Variants in KMT2D observed in about 807,000 individuals in gnomAD.
The protein encoded by KMT2D is histone-lysine N-methyltransferase 2D.
A neutral mutation model predicts 512.7 loss-of-function variants in KMT2D; 55 were observed. That is an observed-to-expected ratio of 0.11 (90% CI 0.09 to 0.13). KMT2D has a LOEUF of 0.13. KMT2D is among the 10% of genes least tolerant of loss of function. The pLI, the probability that KMT2D is intolerant of heterozygous loss-of-function variation, is 1.00. For missense variants in KMT2D, 6,061 were observed against 7,127.9 expected, an observed-to-expected ratio of 0.85 and a Z score of 5.39; for synonymous variants, 2,995 against 2,904.0, an observed-to-expected ratio of 1.03 and a Z score of -1.01.
In KMT2D at chr12:49,027,456, T is replaced by C. The variant is rs1942659114; in HGVS notation, c.14644-134A>G. 9 of 780,942 alleles carry C rather than the reference T, an allele frequency of 1.2e-5. No individual in the cohort carries two copies. The South Asian group carries it at 1.6e-4, about 14-fold the overall frequency. 48.4% of individuals were successfully genotyped at this position (780,942 alleles called of 1,614,324 possible). A position where few individuals can be genotyped will look rare whatever the true frequency, so the allele number is the denominator to read the frequency against. On this transcript the variant is annotated intron_variant, in intron 48 of 54. Transcript: ENST00000301067. ...TAGACAGCCTCTTTTTTCTTTTCTT[T>C]TCTTTTTTTTTTGAGACACAGTCTT...
In KMT2D at chr12:49,054,807, GCATGCC is replaced by G; in HGVS notation, c.177-62_177-57del. ...AGGCCCCCAGCAACCCCATGATCTG[GCATGCC>G]CATGCTTCCCCAACACTCATTTTCC... is the stretch of plus-strand genomic sequence containing the variant. On this transcript the variant is annotated intron_variant, in intron 3 of 54. Transcript: ENST00000301067. This position sits in a 1 kb window ranked among gnomAD's most constrained non-coding sequence, Gnocchi z 6.4. 6.2e-7 allele frequency: 1 copy of G among 1,604,994 alleles called. No homozygotes were observed. The highest frequency in any genetic ancestry group is 8.5e-7 in the Non-Finnish European group (1 of 1,172,674).
rs2120587212 is a variant in KMT2D, at chr12:49,044,754, G to A, written c.4953C>T (p.Leu1651=). The A allele has an allele frequency of 6.2e-7, 1 of 1,613,258 alleles. No homozygotes were observed. The highest frequency in any genetic ancestry group is 8.5e-7 in the Non-Finnish European group (1 of 1,179,382). The change falls in exon 20 of 55, where the codon CTC becomes CTT. Residue 1651 remains leucine, a synonymous_variant. Coordinates refer to ENST00000301067, the MANE Select transcript of KMT2D (RefSeq NM_003482.4). This position sits in a 1 kb window ranked among gnomAD's most constrained non-coding sequence, Gnocchi z 6.4. ...ATTCCCCAAGCTAACCTTCACCCTT[G>A]AGCAGCTCATCGGTGTCCAGGTCCC... ...KDGDLDTDEL[L]KGEGGVEHME... is the part of the protein sequence containing the mutation.
chr12:49,049,878 G>A lies in KMT2D; in HGVS notation c.3710C>T (p.Ser1237Phe), dbSNP rs374437749. ...AGAGACCCCCAACTCCATGGACAGG[G>A]AGCCACCCCCCTCCGGGTCTGGAGA... ...LGSPDPEGGG[S>F]LSMELGVSTD... The change falls in exon 12 of 55, where the codon TCC becomes TTC. Residue 1237 changes from serine to phenylalanine, a missense_variant. Physicochemically the swap from Ser to Phe is radical, Grantham distance 155. Coordinates refer to ENST00000301067, the MANE Select transcript of KMT2D (RefSeq NM_003482.4). The A allele has an allele frequency of 1.8e-5, 29 of 1,613,774 alleles. No individual in the cohort carries two copies. The highest frequency in any genetic ancestry group is 2.7e-5 in the African/African-American group (2 of 74,936).
rs1408651749 is a variant in KMT2D at position 49,022,528 on chromosome 12, T to G, written c.16338+62A>C. ...CCTCCTGCTCTCCTGTGACCAATCC[T>G]GCCCTTGCTCCTTGGTTGAGTGCAG... On this transcript the variant is annotated intron_variant, in intron 52 of 54. Coordinates refer to ENST00000301067, the MANE Select transcript of KMT2D (RefSeq NM_003482.4). The surrounding 1 kb of genome is among the most constrained non-coding windows in gnomAD (Gnocchi z 8.6). 1.9e-6 allele frequency: 3 copies of G among 1,574,030 alleles called. No homozygotes were observed. In the South Asian group the frequency reaches 3.5e-5, roughly 18 times the overall value.
In KMT2D at chr12:49,040,116, G is replaced by T. The variant is rs1228953847; in HGVS notation, c.7654C>A (p.Pro2552Thr). 9 of 1,613,792 alleles carry T rather than the reference G, an allele frequency of 5.6e-6. No homozygotes were observed. In the South Asian group the frequency reaches 9.9e-5, roughly 18 times the overall value. Residue 2552 changes from proline (P) to threonine (T), a missense_variant, in exon 32 of 55, where the codon CCT becomes ACT. By Grantham distance (38) the Pro-to-Thr change is conservative (BLOSUM62 -1). This residue lies in a region of KMT2D where 710 missense variants were observed against 647.3 expected (regional missense o/e 1.10). Coordinates refer to ENST00000301067, the MANE Select transcript of KMT2D (RefSeq NM_003482.4). ...VGEPSLKPPV[P>T]QPGLPPPHGI... is the part of the protein sequence containing the mutation. ...TGGGGTGGCGGGAGACCAGGCTGAG[G>T]GACAGGGGGCTTTAGGGAAGGCTCC...
chr12:49,028,207 C>CGGG lies in KMT2D; in HGVS notation c.14383-67_14383-66insCCC, dbSNP rs1194361596. 1.2e-4 allele frequency: 188 copies of CGGG among 1,602,938 alleles called. No homozygotes were observed. In the African/African-American group the frequency reaches 2.4e-3, roughly 20 times the overall value. ...AAGTGTCTGAGGTGAGCTCTACTAC[C>CGGG]AGCTGGGTGGGGACAAGGACACCTA... On this transcript the variant is annotated intron_variant, in intron 46 of 54. Transcript: ENST00000301067.
At position 49,054,606 on chromosome 12, in the gene KMT2D, C is replaced by T. The variant is rs1233258179; in HGVS notation, c.322G>A (p.Ala108Thr). 6.2e-7 allele frequency: 1 copy of T among 1,613,186 alleles called. No homozygotes were observed. The highest frequency in any genetic ancestry group is 8.5e-7 in the Non-Finnish European group (1 of 1,179,584). ...SPGGSPGPNE[A>T]VLPSEDLSQI... is the part of the protein sequence containing the mutation. ...GATAGGTCCTCACTGGGCAGCACTG[C>T]CTCATTGGGCCCTGGGCTCCCCCCA... The change falls in exon 4 of 55, where the codon GCA becomes ACA. Residue 108 changes from alanine (A) to threonine (T), a missense_variant. Ala to Thr is a moderately conservative substitution (Grantham distance 58). Coordinates refer to ENST00000301067, the MANE Select transcript of KMT2D (RefSeq NM_003482.4). This position sits in a 1 kb window ranked among gnomAD's most constrained non-coding sequence, Gnocchi z 6.4.
rs954226380 is a variant in KMT2D at position 49,054,970 on chromosome 12, G to A, written c.106C>T (p.Pro36Ser). 6.2e-6 allele frequency: 10 copies of A among 1,613,996 alleles called. No individual in the cohort carries two copies. Among genetic ancestry groups the A allele is most frequent in the Non-Finnish European group, 7.6e-6 (9 of 1,179,882 alleles). ...PSATESDLPNPHVGEVSVLSS... is the reference protein window; with the variant it reads ...PSATESDLPNSHVGEVSVLSS... The stretch of plus-strand genomic sequence containing the variant: ...AGGACAGAGACCTCTCCCACATGTG[G>A]GTTGGGCAGGTCTGACTCAGTGGCA... The change falls in exon 3 of 55, where the codon CCA becomes TCA. Residue 36 changes from proline to serine, a missense_variant. By Grantham distance (74) the Pro-to-Ser change is moderately conservative. Transcript: ENST00000301067. This position sits in a 1 kb window ranked among gnomAD's most constrained non-coding sequence, Gnocchi z 6.4.
At chr12:49,030,854 C>T (rs2120409595) in intron 41 of KMT2D, 39 bp downstream of exon 41, 1 of 1,613,072 alleles carries the variant, frequency 6.2e-7, no homozygotes, top group Non-Finnish European at 8.5e-7. Flanking sequence ...GCCCCCTATC[C>T]TGGGATGGGA....
Position 49,033,730 on chromosome 12 carries a change from G to A in KMT2D, c.10975C>T (p.Pro3659Ser), listed in dbSNP as rs367910969. Residue 3659 changes from proline to serine, a missense_variant, in exon 40 of 55, where the codon CCT becomes TCT. Physicochemically the swap from Pro to Ser is moderately conservative, Grantham distance 74 (BLOSUM62 -1). Coordinates refer to ENST00000301067, the MANE Select transcript of KMT2D (RefSeq NM_003482.4). ...TGTCCAGGTAGTGCCATACCCCCAG[G>A]GGTCAGGCGAAGACCTCCGGCTTGC... ...GGQAGGLRLT[P>S]GGMALPGQPG... is the part of the protein sequence containing the mutation. 1 of 1,613,446 alleles carries A rather than the reference G, an allele frequency of 6.2e-7. No homozygotes were observed. The highest frequency in any genetic ancestry group is 1.3e-5 in the African/African-American group (1 of 74,914).
chr12:49,032,963 CTGCTGAAGTTGCTGT>C lies in KMT2D; in HGVS notation c.11727_11741del (p.Leu3912_Gln3916del), dbSNP rs1565777297. The C allele has an allele frequency of 1.3e-6, 2 of 1,550,828 alleles. No homozygotes were observed. Among genetic ancestry groups the C allele is most frequent in the Non-Finnish European group, 1.7e-6 (2 of 1,146,876 alleles). On this transcript the variant is annotated inframe_deletion, in exon 40 of 55. Coordinates refer to ENST00000301067, the MANE Select transcript of KMT2D (RefSeq NM_003482.4). ...GCTGTTGTAGCTGCTGCTGCTGCTGCTGCTGAAGTTGCTGTTGCTGTTGCAGCTGCTGCTGCTGCT... is the reference window on the plus strand; with the variant it reads ...GCTGTTGTAGCTGCTGCTGCTGCTGCTGCTGTTGCAGCTGCTGCTGCTGCT...
Position 49,030,270 on chromosome 12 carries a change from C to G in KMT2D, c.13999+10G>C. 1.3e-6 allele frequency: 2 copies of G among 1,593,758 alleles called. No individual in the cohort carries two copies. The highest frequency in any genetic ancestry group is 1.7e-6 in the Non-Finnish European group (2 of 1,169,028). On this transcript the variant is annotated intron_variant, in intron 43 of 54. Coordinates refer to ENST00000301067, the MANE Select transcript of KMT2D (RefSeq NM_003482.4). ...AACTCCACCAGGGGTGGCATCTGCT[C>G]TTGACTTACCCCTCAGTGCCCTTTC...
intron 6 of KMT2D, 139 bp from the exon 7 acceptor site, chr12:49,053,780 GCTA>G: frequency 8.7e-7 from 1 of 1,154,960 alleles, no homozygotes; most frequent in Non-Finnish European, 1.2e-6. Flanking sequence ...ACGTCTGCCA[GCTA>G]CTGTTCTAGG....
chr12:49,031,404 T>A lies in KMT2D; in HGVS notation c.13301A>T (p.Glu4434Val). 6.2e-7 allele frequency: 1 copy of A among 1,613,652 alleles called. No homozygotes were observed. The highest frequency in any genetic ancestry group is 8.5e-7 in the Non-Finnish European group (1 of 1,179,872). The change falls in exon 40 of 55, where the codon GAG becomes GTG. Residue 4434 changes from glutamate to valine, a missense_variant. Physicochemically the swap from Glu to Val is moderately radical, Grantham distance 121. This residue lies in a region of KMT2D where 1,600 missense variants were observed against 1,754.9 expected (regional missense o/e 0.91). Coordinates refer to ENST00000301067, the MANE Select transcript of KMT2D (RefSeq NM_003482.4). The part of the protein sequence containing the change: ...CALGAQSVKR[E>V]ANGEPIGAPG... Reference sequence around the variant, plus strand: ...TGCCCCTATTGGCTCCCCATTGGCCTCCCTCTTCACTGACTGGGCTCCCAG... The same window carrying A: ...TGCCCCTATTGGCTCCCCATTGGCCACCCTCTTCACTGACTGGGCTCCCAG...
chr12:49,039,590 G>A lies in KMT2D; in HGVS notation c.8074C>T (p.Arg2692Trp), dbSNP rs771966959. The A allele has an allele frequency of 3.1e-6, 5 of 1,610,432 alleles. No homozygotes were observed. The highest frequency in any genetic ancestry group is 4.2e-6 in the Non-Finnish European group (5 of 1,179,516). ...QRQRLRELLI[R>W]QQIQRNTLRQ... Reference sequence around the variant, plus strand: ...AGGGTGTTGCGCTGGATCTGCTGCCGAATCAGCAGCTCTCGTAGTCGCTGG... The same window carrying A: ...AGGGTGTTGCGCTGGATCTGCTGCCAAATCAGCAGCTCTCGTAGTCGCTGG... Residue 2692 changes from arginine to tryptophan, a missense_variant, in exon 33 of 55, where the codon CGG becomes TGG. Coordinates refer to ENST00000301067, the MANE Select transcript of KMT2D (RefSeq NM_003482.4). This position sits in a 1 kb window ranked among gnomAD's most constrained non-coding sequence, Gnocchi z 5.0.
rs747636808 is a variant in KMT2D at position 49,051,542 on chromosome 12, G to A, written c.2141C>T (p.Ser714Leu). The A allele has an allele frequency of 7.4e-6, 12 of 1,612,628 alleles. No individual in the cohort carries two copies. Among genetic ancestry groups the A allele is most frequent in the South Asian group, 2.2e-5 (2 of 90,978 alleles). ...DSPASPPPEDSLMSLPLEESP... is the reference protein window; with the variant it reads ...DSPASPPPEDLLMSLPLEESP... ...CTCCTCCAGCGGCAGGGACATGAGC[G>A]AGTCCTCCGGTGGTGGGGAAGCAGG... The change falls in exon 11 of 55, where the codon TCG becomes TTG. Residue 714 changes from serine to leucine, a missense_variant. This residue lies in a region of KMT2D where 848 missense variants were observed against 838.5 expected (regional missense o/e 1.01). Coordinates refer to ENST00000301067, the MANE Select transcript of KMT2D (RefSeq NM_003482.4).
Position 49,039,294 on chromosome 12 carries a change from G to T in KMT2D, c.8294C>A (p.Ser2765Tyr). Residue 2765 changes from serine (S) to tyrosine (Y), a missense_variant, in exon 34 of 55, where the codon TCC (serine) becomes TAC (tyrosine). Transcript: ENST00000301067. This position sits in a 1 kb window ranked among gnomAD's most constrained non-coding sequence, Gnocchi z 5.0. ...KLSGPILGPG[S>Y]FPSDDRLSRP... ...GGAGAGTCGGTCATCGCTAGGGAAGGACCCTGGCCCCAGGATGGGGCCACT... is the reference window on the plus strand; with the variant it reads ...GGAGAGTCGGTCATCGCTAGGGAAGTACCCTGGCCCCAGGATGGGGCCACT... 1 of 1,613,772 alleles carries T rather than the reference G, an allele frequency of 6.2e-7. No individual in the cohort carries two copies. The highest frequency in any genetic ancestry group is 2.2e-5 in the East Asian group (1 of 44,882).
rs1421809254 is a variant in KMT2D at position 49,042,001 on chromosome 12, G to A, written c.6110-11C>T. ...AACGGCTTGACCAGTCTGGAGGGCA[G>A]AGAGAGTGAGTCAGAGAAGACTTGG... On this transcript the variant is annotated splice_polypyrimidine_tract_variant and intron_variant, in intron 29 of 54. Transcript: ENST00000301067. This position sits in a 1 kb window ranked among gnomAD's most constrained non-coding sequence, Gnocchi z 4.4. The A allele has an allele frequency of 1.2e-6, 2 of 1,612,502 alleles. No individual in the cohort carries two copies. The highest frequency in any genetic ancestry group is 2.2e-5 in the South Asian group (2 of 90,770).
At position 49,024,545 on chromosome 12, in the gene KMT2D, C is replaced by G. The variant is rs541411959; in HGVS notation, c.16052+33G>C. On this transcript the variant is annotated intron_variant, in intron 51 of 54. Transcript: ENST00000301067. This position sits in a 1 kb window ranked among gnomAD's most constrained non-coding sequence, Gnocchi z 4.5. ...AGAGGATCCCTGTCAACACCCACACCCACATCCCTTGGCTCCAGCATCACA... is the reference window on the plus strand; with the variant it reads ...AGAGGATCCCTGTCAACACCCACACGCACATCCCTTGGCTCCAGCATCACA... The G allele has an allele frequency of 6.3e-7, 1 of 1,583,918 alleles. No individual in the cohort carries two copies.
Sources: allele counts gnomAD v4.1 joint callset, GRCh38; gene constraint gnomAD v4.1.1; regional missense constraint gnomAD v4.1.1; non-coding constraint Gnocchi (gnomAD v3.1); transcripts MANE v1.5; gene names NCBI Gene and HGNC (gene_info 2026-07-23, HGNC 2026-07-21).